Variants in FHIP1A observed in about 807,000 individuals in gnomAD.
FHIP1A encodes FHF complex subunit HOOK interacting protein 1A.
Under a neutral mutation model 88.6 loss-of-function variants are expected in FHIP1A, and 61 were observed. The observed-to-expected ratio is 0.69, with a 90% CI of 0.56 to 0.85. The LOEUF is 0.85. FHIP1A is among the 40% of genes least tolerant of loss of function. The pLI, the probability that FHIP1A is intolerant of heterozygous loss-of-function variation, is 0.00. For synonymous variants in FHIP1A, 478 were observed against 496.0 expected (o/e 0.96, Z 0.48); for missense variants, 1,154 against 1,273.5 (o/e 0.91, Z 1.43).
intron 4 of FHIP1A, among the ~76,000 whole-genome samples, chr4:151,577,166 T>A (rs1733824304): frequency 6.6e-6 from 1 of 152,214 alleles, no homozygotes; most frequent in South Asian, 2.1e-4. Context: ...ATCCAAAGAA[T>A]GCATGTAGCT....
At chr4:151,576,285 T>C (rs1733788527) in intron 4 of FHIP1A, among the ~76,000 whole-genome samples, 2 of 152,164 alleles carry the variant, frequency 1.3e-5, no homozygotes, top group African/African-American at 2.4e-5. Context: ...TGGTAAAGTA[T>C]ATATAACAAA....
intron 2 of FHIP1A, among the ~76,000 whole-genome samples, chr4:151,456,837 T>C (rs1366472115): frequency 6.6e-6 from 1 of 152,164 alleles, no homozygotes; most frequent in East Asian, 1.9e-4. Flanking sequence ...TATGAGATTG[T>C]TGTATTGGTT....
At chr4:151,602,573 G>A (rs144034472) in intron 7 of FHIP1A, among the ~76,000 whole-genome samples, 91 of 152,282 alleles carry the variant, frequency 6.0e-4, no homozygotes, top group Admixed American at 1.6e-3. Context: ...TAGGGAGGGC[G>A]TGGAGGAGTG....
intron 7 of FHIP1A, among the ~76,000 whole-genome samples, chr4:151,617,731 C>G (rs1310561189): frequency 6.6e-6 from 1 of 151,982 alleles, no homozygotes; most frequent in Non-Finnish European, 1.5e-5. Context: ...ACTAAAAATA[C>G]AAAAATTAGC....
At chr4:151,527,114 G>C (rs1731699620) in intron 3 of FHIP1A, among the ~76,000 whole-genome samples, 1 of 152,004 alleles carries the variant, frequency 6.6e-6, no homozygotes, top group Non-Finnish European at 1.5e-5. Context: ...TCACTTCCCA[G>C]ACGGGGTGGC....
At position 151,440,876 on chromosome 4, in the gene FHIP1A, A is replaced by G. The variant is rs377484824; in HGVS notation, c.-355-13825A>G. Among the ~76,000 whole-genome samples, 11 of 152,218 alleles carry G rather than the reference A, an allele frequency of 7.2e-5. No homozygotes were observed. The East Asian group carries it at 1.5e-3, about 21-fold the overall frequency. The stretch of plus-strand genomic sequence containing the variant: ...TTTTTGCAGCTTGGCATCCAGTTCC[A>G]TCTCACACTAGTGCCCCTTGTCAGT... On this transcript the variant is annotated intron_variant, in intron 1 of 13. Transcript: ENST00000435205.
chr4:151,648,412 G>A (rs73862075), intron 10 of FHIP1A, among the ~76,000 whole-genome samples: 3,034 of 152,136 alleles, frequency 0.02, 114 homozygotes, highest in African/African-American at 0.069. Flanking sequence ...TTTTAGCTTA[G>A]CAGTAGAGCT....
intron 3 of FHIP1A, among the ~76,000 whole-genome samples, chr4:151,536,408 G>T (rs940645926): frequency 6.6e-6 from 1 of 152,066 alleles, no homozygotes; most frequent in Non-Finnish European, 1.5e-5. Context: ...CACTATGTGG[G>T]TCCCTTCTAT....
At chr4:151,455,563 T>G (rs1406140916) in intron 2 of FHIP1A, among the ~76,000 whole-genome samples, 13 of 152,186 alleles carry the variant, frequency 8.5e-5, no homozygotes. Flanking sequence ...TCTTGAGGTG[T>G]GGCCCACCCC....
At position 151,556,588 on chromosome 4, in the gene FHIP1A, C is replaced by T. The variant is rs372388047; in HGVS notation, c.-122-9550C>T. Among the ~76,000 whole-genome samples the T allele has an allele frequency of 3.2e-4, 48 of 152,126 alleles. 1 individual carries two copies. The East Asian group carries it at 8.3e-3, about 26-fold the overall frequency. On this transcript the variant is annotated intron_variant, in intron 3 of 13. Coordinates refer to ENST00000435205, the MANE Select transcript of FHIP1A (RefSeq NM_001109977.3). Reference sequence around the variant, plus strand: ...GCAGATTTCAGTGTATAATTAGTAACGTTTGTGAAGCCCCTCCAGGGTAGT... The same window carrying T: ...GCAGATTTCAGTGTATAATTAGTAATGTTTGTGAAGCCCCTCCAGGGTAGT...
chr4:151,439,174 T>G (rs933783683), intron 1 of FHIP1A, among the ~76,000 whole-genome samples: 1 of 152,184 alleles, frequency 6.6e-6, no homozygotes, highest in Non-Finnish European at 1.5e-5. Context: ...CCTAGTTTCC[T>G]AATTAACAAT....
chr4:151,437,585 C>T (rs1404200472), intron 1 of FHIP1A, among the ~76,000 whole-genome samples: 1 of 152,100 alleles, frequency 6.6e-6, no homozygotes, highest in Non-Finnish European at 1.5e-5. Flanking sequence ...ATAGACCATT[C>T]CTACTGTGTA....
rs1332920267 is a variant in FHIP1A, at chr4:151,624,995, G to A, written c.979-4707G>A. On this transcript the variant is annotated intron_variant, in intron 7 of 13. Transcript: ENST00000435205. ...CTTGGCGCTTCTTGTCCTTGGAGGGGAGAAGATGGCTGCAAGGAGCCTTTC... is the reference window on the plus strand; with the variant it reads ...CTTGGCGCTTCTTGTCCTTGGAGGGAAGAAGATGGCTGCAAGGAGCCTTTC... 2.6e-5 allele frequency among the ~76,000 whole-genome samples: 4 copies of A among 152,292 alleles called. 1 individual carries two copies. Among genetic ancestry groups the A allele is most frequent in the Admixed American group, 1.3e-4 (2 of 15,300 alleles).
intron 4 of FHIP1A, among the ~76,000 whole-genome samples, chr4:151,571,597 G>A (rs984093880): frequency 5.3e-5 from 8 of 152,162 alleles, no homozygotes; most frequent in East Asian, 1.9e-4. Flanking sequence ...GATTTGACAT[G>A]TGTACTGTAT....
chr4:151,623,943 T>C (rs1309524691), intron 7 of FHIP1A, among the ~76,000 whole-genome samples: 1 of 152,188 alleles, frequency 6.6e-6, no homozygotes, highest in Non-Finnish European at 1.5e-5. Context: ...AATTTACTAA[T>C]GCATTTGCCT....
intron 1 of FHIP1A, among the ~76,000 whole-genome samples, chr4:151,418,988 A>G (rs1399950847): frequency 6.6e-6 from 1 of 152,076 alleles, no homozygotes; most frequent in Non-Finnish European, 1.5e-5. Context: ...GTCACCTATC[A>G]TGGTCTCTGT....
At chr4:151,475,733 A>G (rs1335433119) in intron 2 of FHIP1A, among the ~76,000 whole-genome samples, 2 of 152,194 alleles carry the variant, frequency 1.3e-5, no homozygotes, top group African/African-American at 2.4e-5. Context: ...TTAAAAGAAT[A>G]AAACACTGTA....
At chr4:151,430,423 G>A (rs373532070) in intron 1 of FHIP1A, among the ~76,000 whole-genome samples, 3 of 152,184 alleles carry the variant, frequency 2.0e-5, no homozygotes, top group African/African-American at 2.4e-5. Context: ...AAGCATCAGG[G>A]ATTCTTGCCA....
At chr4:151,640,239 G>A (rs1444083772) in intron 9 of FHIP1A, among the ~76,000 whole-genome samples, 1 of 152,206 alleles carries the variant, frequency 6.6e-6, no homozygotes, top group East Asian at 1.9e-4. Flanking sequence ...GCAAAAGAGA[G>A]TGATTACAAA....
Sources: allele counts gnomAD v4.1 joint callset (sites outside exome capture counted in the v4.1 genomes callset), GRCh38; gene constraint gnomAD v4.1.1; transcripts MANE v1.5; gene names NCBI Gene and HGNC (gene_info 2026-07-23, HGNC 2026-07-21).